The following NELL1 variants were observed in gnomAD, a reference collection of about 807,000 sequenced individuals.
The protein encoded by NELL1 is protein kinase C-binding protein NELL1.
In NELL1, 76 loss-of-function variants were observed where a neutral mutation model predicts 107.4. That is an observed-to-expected ratio of 0.71 (90% CI 0.59 to 0.86). The LOEUF (loss-of-function observed/expected upper bound fraction) is 0.86. Among genes scored for constraint, NELL1 ranks in the 40% least tolerant of loss-of-function variants. The pLI, the probability that NELL1 is intolerant of heterozygous loss-of-function variation, is 0.00. For missense variants in NELL1, 1,024 were observed against 1,005.5 expected (o/e 1.02, Z -0.25); for synonymous variants, 353 against 341.2 (o/e 1.03, Z -0.38).
rs959374217 is a variant in NELL1, at chr11:21,196,802, C to A, written c.1427-32530C>A. Among the ~76,000 whole-genome samples, 6 of 152,036 alleles carry A rather than the reference C, an allele frequency of 3.9e-5. 1 individual carries two copies. The South Asian group carries it at 1.0e-3, about 26-fold the overall frequency. On this transcript the variant is annotated intron_variant, in intron 13 of 19. Coordinates refer to ENST00000357134, the MANE Select transcript of NELL1 (RefSeq NM_006157.5). ...TTTTCTGGACTTAGAATAGCACAGG[C>A]ACTTAAGAGGTACATCACAAATATT...
intron 2 of NELL1, among the ~76,000 whole-genome samples, chr11:20,727,371 A>G (rs1367078475): frequency 8.5e-5 from 13 of 152,052 alleles, no homozygotes; most frequent in Admixed American, 4.6e-4. Flanking sequence ...TTTTTCATTT[A>G]TCTGTTGGCT....
chr11:21,331,462 C>T (rs1430196100), intron 14 of NELL1, among the ~76,000 whole-genome samples: 1 of 152,028 alleles, frequency 6.6e-6, no homozygotes, highest in African/African-American at 2.4e-5. Context: ...GATGTTGTTC[C>T]TCAGAGGATG....
At chr11:20,763,790 C>T (rs1443504334) in intron 2 of NELL1, among the ~76,000 whole-genome samples, 2 of 152,144 alleles carry the variant, frequency 1.3e-5, no homozygotes, top group African/African-American at 2.4e-5. Flanking sequence ...GGCTGGCGAG[C>T]CTAGAGGGGC....
intron 3 of NELL1, among the ~76,000 whole-genome samples, chr11:20,825,024 T>C (rs1857848695): frequency 1.3e-5 from 2 of 151,252 alleles, no homozygotes; most frequent in South Asian, 4.2e-4. Flanking sequence ...GAAAGAAAAA[T>C]GGTTCCCTGA....
chr11:20,744,157 C>G (rs992970262), intron 2 of NELL1, among the ~76,000 whole-genome samples: 1 of 152,146 alleles, frequency 6.6e-6, no homozygotes, highest in African/African-American at 2.4e-5. Context: ...CAATAGCCTC[C>G]TAACTGGTAT....
intron 12 of NELL1, among the ~76,000 whole-genome samples, chr11:21,082,079 C>A (rs1854282784): frequency 6.6e-6 from 1 of 152,106 alleles, no homozygotes; most frequent in African/African-American, 2.4e-5. Context: ...ACCTGTATTG[C>A]CTCTGGGGAC....
intron 13 of NELL1, among the ~76,000 whole-genome samples, chr11:21,127,385 A>G (rs1855509289): frequency 6.6e-6 from 1 of 152,156 alleles, no homozygotes; most frequent in Non-Finnish European, 1.5e-5. Flanking sequence ...CATTGAGGCT[A>G]GGCATTCAAA....
In NELL1 at chr11:21,031,275, T is replaced by A. The variant is rs571570307; in HGVS notation, c.1300+70715T>A. ...TAATGCTTCAGTGAACATCCTTGTA[T>A]ATAAATCTTGTTTAAATCCCTGACT... On this transcript the variant is annotated intron_variant, in intron 12 of 19. Coordinates refer to ENST00000357134, the MANE Select transcript of NELL1 (RefSeq NM_006157.5). 7.9e-5 allele frequency among the ~76,000 whole-genome samples: 12 copies of A among 152,378 alleles called. 2 individuals carry two copies. In the South Asian group the frequency reaches 2.5e-3, roughly 32 times the overall value.
At chr11:21,454,501 C>G (rs1853671764) in intron 15 of NELL1, among the ~76,000 whole-genome samples, 1 of 152,158 alleles carries the variant, frequency 6.6e-6, no homozygotes, top group South Asian at 2.1e-4. Context: ...TTTCATTTCT[C>G]CATATCTTAT....
intron 15 of NELL1, among the ~76,000 whole-genome samples, chr11:21,401,203 A>AT (rs199636358): frequency 8.0e-5 from 12 of 150,654 alleles, no homozygotes; most frequent in South Asian, 4.2e-4. Flanking sequence ...AAAACATAAG[A>AT]TTTTTTTTAT....
chr11:20,867,513 C>A (rs1849118056), intron 4 of NELL1, among the ~76,000 whole-genome samples: 1 of 152,132 alleles, frequency 6.6e-6, no homozygotes, highest in South Asian at 2.1e-4. Context: ...CAGCTTTTGT[C>A]TTGCTATTCA....
intron 12 of NELL1, among the ~76,000 whole-genome samples, chr11:20,975,982 CTG>C (rs963879279): frequency 1.3e-4 from 15 of 113,086 alleles, no homozygotes; most frequent in African/African-American, 4.6e-4. Flanking sequence ...TATATTATAT[CTG>C]TACATATATG....
intron 15 of NELL1, among the ~76,000 whole-genome samples, chr11:21,408,519 G>T (rs1342372662): frequency 6.6e-6 from 1 of 152,040 alleles, no homozygotes; most frequent in Non-Finnish European, 1.5e-5. Context: ...ATTAAAAATT[G>T]CAATTACCTG....
chr11:20,891,429 T>A (rs1434527806), intron 5 of NELL1, among the ~76,000 whole-genome samples: 2 of 152,016 alleles, frequency 1.3e-5, no homozygotes, highest in Non-Finnish European at 2.9e-5. Flanking sequence ...TAAAGACCAA[T>A]GACACTACAA....
chr11:21,533,799 A>G (rs1856057407), intron 15 of NELL1, among the ~76,000 whole-genome samples: 1 of 152,198 alleles, frequency 6.6e-6, no homozygotes, highest in South Asian at 2.1e-4. Flanking sequence ...CTAGTTTTGC[A>G]AGATATTAAA....
chr11:21,563,103 G>A (rs1856888936), intron 17 of NELL1, among the ~76,000 whole-genome samples: 1 of 152,032 alleles, frequency 6.6e-6, no homozygotes, highest in Non-Finnish European at 1.5e-5. Flanking sequence ...TGTCCCTCCA[G>A]CATTATTTAG....
chr11:21,265,846 C>T (rs748426139), intron 14 of NELL1, among the ~76,000 whole-genome samples: 5 of 152,096 alleles, frequency 3.3e-5, no homozygotes, highest in South Asian at 2.1e-4. Flanking sequence ...CTGTGTACCA[C>T]GCTAAGGGTA....
chr11:21,218,868 A>G (rs1220326939), intron 13 of NELL1, among the ~76,000 whole-genome samples: 1 of 152,160 alleles, frequency 6.6e-6, no homozygotes. Flanking sequence ...TACATGACAC[A>G]TTTTGAATCC....
chr11:20,866,637 G>A (rs6483736), intron 4 of NELL1, among the ~76,000 whole-genome samples: 5,402 of 152,224 alleles, frequency 0.035, 290 homozygotes, highest in African/African-American at 0.12. Context: ...AATGGCCATG[G>A]CATTTATATT....
Sources: allele counts gnomAD v4.1 joint callset (sites outside exome capture counted in the v4.1 genomes callset), GRCh38; gene constraint gnomAD v4.1.1; transcripts MANE v1.5; gene names NCBI Gene and HGNC (gene_info 2026-07-23, HGNC 2026-07-21).